Variants in CFH observed in about 807,000 individuals in gnomAD.
The protein encoded by CFH is complement factor H.
A neutral mutation model predicts 147.3 loss-of-function variants in CFH; 53 were observed. That is an observed-to-expected ratio of 0.36 (90% CI 0.29 to 0.45). The LOEUF (loss-of-function observed/expected upper bound fraction) is 0.45, where lower values mean the gene tolerates loss of function less well. CFH is among the 20% of genes least tolerant of loss of function. The pLI, the probability that CFH is intolerant of heterozygous loss-of-function variation, is 1.00. For missense variants in CFH, 1,380 were observed against 1,498.0 expected (o/e 0.92, Z 1.30); for synonymous variants, 536 against 489.4 (o/e 1.10, Z -1.26).
chr1:196,715,796 T>G, intron 11 of CFH, 27 bp downstream of exon 11: 1 of 1,569,748 alleles, frequency 6.4e-7, no homozygotes, highest in Non-Finnish European at 8.7e-7. Flanking sequence ...CAGAAATTCA[T>G]TTTCAAAATG....
At chr1:196,725,702 G>T (rs1669119731) in intron 12 of CFH, among the ~76,000 whole-genome samples, 1 of 152,176 alleles carries the variant, frequency 6.6e-6, no homozygotes, top group African/African-American at 2.4e-5. Flanking sequence ...GAGCCACTGT[G>T]TCCAGAGAAC....
rs979510065 is a variant in CFH, at chr1:196,724,079, T to C, written c.1697-1042T>C. Among the ~76,000 whole-genome samples, 6 of 152,036 alleles carry C rather than the reference T, an allele frequency of 3.9e-5. 1 individual carries two copies. In the South Asian group the frequency reaches 1.0e-3, roughly 26 times the overall value. ...TAGTCATTTTCAGCCCACAAGCAGG[T>C]TGCTCTTGCACACAGGAAAGTGAAT... On this transcript the variant is annotated intron_variant, in intron 11 of 21. Transcript: ENST00000367429.
chr1:196,677,426 C>T (rs1448107215), intron 4 of CFH, 50 bp from the exon 5 acceptor site: 6 of 1,541,198 alleles, frequency 3.9e-6, no homozygotes, highest in Non-Finnish European at 5.4e-6. Flanking sequence ...ATATTTTTCA[C>T]AATAAACTTT....
chr1:196,684,889 G>A (rs1667772584), intron 6 of CFH, among the ~76,000 whole-genome samples, 175 bp from the exon 7 acceptor site: 2 of 151,978 alleles, frequency 1.3e-5, no homozygotes, highest in Admixed American at 1.3e-4. Context: ...TGAGAATATA[G>A]TGAAGGGAAA....
chr1:196,714,597 A>G (rs1342234253), intron 10 of CFH, among the ~76,000 whole-genome samples: 19 of 103,920 alleles, frequency 1.8e-4, no homozygotes, highest in African/African-American at 3.2e-4. Context: ...ACTCAGTAAT[A>G]TGTGTGTGTG....
intron 11 of CFH, among the ~76,000 whole-genome samples, chr1:196,720,753 G>A (rs1668978856): frequency 6.6e-6 from 1 of 151,876 alleles, no homozygotes; most frequent in South Asian, 2.1e-4. Flanking sequence ...TGTGAGTAGT[G>A]AGGCTATAAA....
chr1:196,738,991 C>T (rs1003435546), intron 17 of CFH, among the ~76,000 whole-genome samples: 1 of 152,240 alleles, frequency 6.6e-6, no homozygotes, highest in Admixed American at 6.5e-5. Context: ...CTTGTGTGCA[C>T]CCACAGGCCC....
chr1:196,658,521 C>T (rs1217341872), intron 1 of CFH, among the ~76,000 whole-genome samples: 12 of 150,320 alleles, frequency 8.0e-5, no homozygotes, highest in African/African-American at 2.2e-4. Flanking sequence ...ACGCCATTCT[C>T]CTGCCTCAGC....
At chr1:196,659,604 G>A (rs1666836131) in intron 1 of CFH, among the ~76,000 whole-genome samples, 1 of 152,162 alleles carries the variant, frequency 6.6e-6, no homozygotes, top group Non-Finnish European at 1.5e-5. Context: ...GAAATTAAGA[G>A]GTAGTTAATG....
At chr1:196,688,678 T>G (rs1319448611) in intron 7 of CFH, among the ~76,000 whole-genome samples, 1 of 152,178 alleles carries the variant, frequency 6.6e-6, no homozygotes, top group Non-Finnish European at 1.5e-5. Context: ...AGACACAATC[T>G]CAATTCACTG....
At position 196,690,127 on chromosome 1, in the gene CFH, G is replaced by C. The variant is rs756842126; in HGVS notation, c.1224G>C (p.Gln408His). Residue 408 changes from glutamine to histidine, a missense_variant, in exon 9 of 22, where the codon CAG (glutamine) becomes CAC (histidine). Gln to His is a conservative substitution (Grantham distance 24). Around this residue, in one of 4 missense-constraint regions of CFH, gnomAD observed 830 missense variants for 821.4 expected, o/e 1.01. Coordinates refer to ENST00000367429, the MANE Select transcript of CFH (RefSeq NM_000186.4). The stretch of plus-strand genomic sequence containing the variant: ...AAAATCATGGAAGAAAGTTTGTACA[G>C]GGTAAATCTATAGACGTTGCCTGCC... ...YNQNHGRKFV[Q>H]GKSIDVACHP... 1 of 1,612,980 alleles carries C rather than the reference G, an allele frequency of 6.2e-7. No individual in the cohort carries two copies. Among genetic ancestry groups the C allele is most frequent in the South Asian group, 1.1e-5 (1 of 91,066 alleles).
intron 11 of CFH, among the ~76,000 whole-genome samples, chr1:196,721,754 A>G (rs1669003456): frequency 6.6e-6 from 1 of 151,784 alleles, no homozygotes; most frequent in Admixed American, 6.6e-5. Flanking sequence ...TTGAGTGCAT[A>G]TATATTTAGA....
chr1:196,735,708 G>T (rs960835149), intron 15 of CFH, among the ~76,000 whole-genome samples: 2 of 151,868 alleles, frequency 1.3e-5, no homozygotes, highest in South Asian at 4.1e-4. Context: ...ATAAATAGTT[G>T]ACCATTAATC....
At chr1:196,662,928 A>G (rs1666958126) in intron 1 of CFH, among the ~76,000 whole-genome samples, 1 of 152,126 alleles carries the variant, frequency 6.6e-6, no homozygotes. Context: ...TCAAAAAATT[A>G]TTTCTGTATA....
chr1:196,696,791 T>A (rs1303171891), intron 9 of CFH, among the ~76,000 whole-genome samples: 1 of 152,196 alleles, frequency 6.6e-6, no homozygotes, highest in Non-Finnish European at 1.5e-5. Flanking sequence ...AGCATGGTAC[T>A]GGTACCAAAA....
chr1:196,717,072 G>GA (rs774235713), intron 11 of CFH, among the ~76,000 whole-genome samples: 4 of 151,774 alleles, frequency 2.6e-5, no homozygotes, highest in Non-Finnish European at 5.9e-5. Flanking sequence ...AGAAAATGGG[G>GA]AAAAAAGGAG....
chr1:196,713,626 G>A, intron 9 of CFH, 109 bp from the exon 10 acceptor site: 1 of 753,476 alleles, frequency 1.3e-6, no homozygotes, highest in Non-Finnish European at 2.2e-6. Context: ...GGTTATCCAG[G>A]TTTTCAGTTA....
At chr1:196,715,240 T>C (rs1342646560) in intron 10 of CFH, among the ~76,000 whole-genome samples, 1 of 152,212 alleles carries the variant, frequency 6.6e-6, no homozygotes, top group African/African-American at 2.4e-5. Context: ...GTTTGGACTC[T>C]TAATTTACAA....
chr1:196,704,330 G>T (rs1020424377), intron 9 of CFH, among the ~76,000 whole-genome samples: 2 of 152,134 alleles, frequency 1.3e-5, no homozygotes, highest in Admixed American at 1.3e-4. Flanking sequence ...CCTGACATGA[G>T]GTAATCTGCC....
Sources: gnomAD v4.1 joint callset for allele counts (sites outside exome capture counted in the v4.1 genomes callset) on GRCh38, gnomAD v4.1.1 for gene constraint, gnomAD v4.1.1 regional missense constraint, MANE v1.5 for transcripts, NCBI Gene and HGNC (gene_info 2026-07-23, HGNC 2026-07-21) for gene names.